Variants in KMT2B observed in about 807,000 individuals in gnomAD.
The protein encoded by KMT2B is histone-lysine N-methyltransferase 2B.
KMT2B carries 22 observed loss-of-function variants against 255.3 expected under a neutral mutation model. The ratio of observed to expected loss-of-function variants is 0.09; its 90% CI spans 0.06 to 0.12. The LOEUF (loss-of-function observed/expected upper bound fraction) is 0.12, where lower values mean the gene tolerates loss of function less well. KMT2B is among the 10% of genes least tolerant of loss of function. The pLI is 1.00. For synonymous variants in KMT2B, 1,730 were observed against 1,498.1 expected (o/e 1.15, Z -3.57); for missense variants, 3,149 against 3,737.0 (o/e 0.84, Z 4.10).
In KMT2B at chr19:35,727,998, G is replaced by A. The variant is rs755450454; in HGVS notation, c.4497+13G>A. 93 of 1,552,262 alleles carry A rather than the reference G, an allele frequency of 6.0e-5. No individual in the cohort carries two copies. The highest frequency in any genetic ancestry group is 5.0e-4 in the Middle Eastern group (3 of 5,986). Reference sequence around the variant, plus strand: ...GCTCCTGCTGAAGGTGAGCTCTTCCGGGGATGCTTGTGGGGTGGGGGAGTG... The same window carrying A: ...GCTCCTGCTGAAGGTGAGCTCTTCCAGGGATGCTTGTGGGGTGGGGGAGTG... On this transcript the variant is annotated intron_variant, in intron 18 of 36. Coordinates refer to ENST00000420124, the MANE Select transcript of KMT2B (RefSeq NM_014727.3). This position sits in a 1 kb window ranked among gnomAD's most constrained non-coding sequence, Gnocchi z 4.2.
chr19:35,734,430 C>T (rs888895737), intron 30 of KMT2B, among the ~76,000 whole-genome samples: 1 of 152,096 alleles, frequency 6.6e-6, no homozygotes, highest in African/African-American at 2.4e-5. Context: ...GCAAAACAGC[C>T]CAAGCACTTG....
chr19:35,722,972 C>T (rs572416413), intron 5 of KMT2B, 23 bp from the exon 6 acceptor site: 13 of 1,526,918 alleles, frequency 8.5e-6, no homozygotes, highest in East Asian at 2.3e-5. Context: ...GCTCCATCCC[C>T]TCCTCCCTGC....
Position 35,727,814 on chromosome 19 carries a change from TG to T in KMT2B, c.4392+30del, listed in dbSNP as rs574559476. Reference sequence around the variant, plus strand: ...TGAGTGGTACACCAGGAGGAGCAGGTGGGTGGCAGGAGGAGAGGGCTGGAAT... The same window carrying T: ...TGAGTGGTACACCAGGAGGAGCAGGTGGTGGCAGGAGGAGAGGGCTGGAAT... On this transcript the variant is annotated intron_variant, in intron 17 of 36. Transcript: ENST00000420124. This position sits in a 1 kb window ranked among gnomAD's most constrained non-coding sequence, Gnocchi z 4.2. 6.4e-5 allele frequency: 103 copies of T among 1,613,234 alleles called. No homozygotes were observed. In the African/African-American group the frequency reaches 1.3e-3, roughly 20 times the overall value.
Position 35,730,555 on chromosome 19 carries a change from T to A in KMT2B, c.5215T>A (p.Ser1739Thr). 1 of 1,613,952 alleles carries A rather than the reference T, an allele frequency of 6.2e-7. No homozygotes were observed. The highest frequency in any genetic ancestry group is 8.5e-7 in the Non-Finnish European group (1 of 1,179,880). ...NVLIGSIRID[S>T]LGTLSDLSDC... ...CACCACAGGTTCCATCCGCATTGAC[T>A]CCCTGGGTACTCTGTCTGATCTCTC... Residue 1739 changes from serine to threonine, a missense_variant, in exon 25 of 37, where the codon TCC becomes ACC. Physicochemically the swap from Ser to Thr is moderately conservative, Grantham distance 58. Transcript: ENST00000420124.
intron 13 of KMT2B, 67 bp from the exon 14 acceptor site, chr19:35,726,169 C>T: frequency 8.2e-7 from 1 of 1,219,426 alleles, no homozygotes; most frequent in Non-Finnish European, 1.2e-6. Context: ...TCCTCCTCGC[C>T]CGTCTCCCGC....
In KMT2B at chr19:35,727,069, C is replaced by T; in HGVS notation, c.4004-87C>T. 6 of 888,818 alleles carry T rather than the reference C, an allele frequency of 6.8e-6. No individual in the cohort carries two copies. The highest frequency in any genetic ancestry group is 1.7e-5 in the African/African-American group (1 of 59,868). 55.1% of individuals were successfully genotyped at this position (888,818 alleles called of 1,614,324 possible). A position where few individuals can be genotyped will look rare whatever the true frequency, so the allele number is the denominator to read the frequency against. On this transcript the variant is annotated intron_variant, in intron 14 of 36. Transcript: ENST00000420124. This position sits in a 1 kb window ranked among gnomAD's most constrained non-coding sequence, Gnocchi z 4.2. ...CAAAACAGGGGCATAGTGGAGGCAG[C>T]TAAGGTACTGCTAATCCTTGAACAG...
Position 35,737,248 on chromosome 19 carries a change from C to A in KMT2B, c.7535C>A (p.Ala2512Glu). Residue 2512 changes from alanine (A) to glutamate (E), a missense_variant, in exon 33 of 37, where the codon GCA becomes GAA. Around this residue, in one of 18 missense-constraint regions of KMT2B, gnomAD observed 103 missense variants for 200.7 expected, o/e 0.51. Transcript: ENST00000420124. The surrounding 1 kb of genome is among the most constrained non-coding windows in gnomAD (Gnocchi z 5.3). The part of the protein sequence containing the change: ...PPLNPHGAAR[A>E]EVYLRKCTFD... ...CTGAATCCCCATGGGGCTGCTCGGG[C>A]AGAGGTCTATCTCCGGTGAGAGGTC... 1 of 1,538,748 alleles carries A rather than the reference C, an allele frequency of 6.5e-7. No homozygotes were observed. Among genetic ancestry groups the A allele is most frequent in the Non-Finnish European group, 8.7e-7 (1 of 1,142,956 alleles).
rs2242519 is a variant in KMT2B at position 35,721,107 on chromosome 19, C to G, written c.1760C>G (p.Pro587Arg). ...CCAGTCCCCTCTCCACCACGTGCCCCAACTCCTCCATCTACCCCAGTTCCA... is the reference window on the plus strand; with the variant it reads ...CCAGTCCCCTCTCCACCACGTGCCCGAACTCCTCCATCTACCCCAGTTCCA... ...PAPVPSPPRAPTPPSTPVPLP... is the reference protein window; with the variant it reads ...PAPVPSPPRARTPPSTPVPLP... Residue 587 changes from proline to arginine, a missense_variant, in exon 3 of 37, where the codon CCA (proline) becomes CGA (arginine). Physicochemically the swap from Pro to Arg is moderately radical, Grantham distance 103 (BLOSUM62 -2). Transcript: ENST00000420124. The G allele has an allele frequency of 6.3e-4, 1,016 of 1,610,636 alleles. 14 individuals are homozygous for G. The East Asian group carries it at 0.018, about 29-fold the overall frequency.
chr19:35,731,339 G>T (rs1969682968), intron 26 of KMT2B, among the ~76,000 whole-genome samples: 1 of 152,256 alleles, frequency 6.6e-6, no homozygotes, highest in South Asian at 2.1e-4. Flanking sequence ...CAAAGAATGG[G>T]CTTGGAGATG....
At position 35,737,433 on chromosome 19, in the gene KMT2B, C is replaced by T; in HGVS notation, c.7550+170C>T. 1 of 869,808 alleles carries T rather than the reference C, an allele frequency of 1.1e-6. No homozygotes were observed. The highest frequency in any genetic ancestry group is 1.7e-6 in the Non-Finnish European group (1 of 587,348). The allele number at this position is 869,808 out of a possible 1,614,324, so 53.9% of individuals were successfully genotyped here. A position where few individuals can be genotyped will look rare whatever the true frequency, so the allele number is the denominator to read the frequency against. ...TCCGTGGCTCATGCCTGTAATCCCG[C>T]CACTTTGGGAGGCCGAGGCAGGAGG... On this transcript the variant is annotated intron_variant, in intron 33 of 36. Transcript: ENST00000420124. This position sits in a 1 kb window ranked among gnomAD's most constrained non-coding sequence, Gnocchi z 5.3.
chr19:35,728,731 G>A, intron 19 of KMT2B, 43 bp from the exon 20 acceptor site: 1 of 1,519,198 alleles, frequency 6.6e-7, no homozygotes, highest in Non-Finnish European at 9.1e-7. Flanking sequence ...CCGTTCAGCT[G>A]CCCTTGTTGG....
Position 35,721,232 on chromosome 19 carries a change from C to T in KMT2B, c.1885C>T (p.Pro629Ser), listed in dbSNP as rs1369475816. 1.1e-5 allele frequency: 16 copies of T among 1,461,166 alleles called. No individual in the cohort carries two copies. The highest frequency in any genetic ancestry group is 2.5e-5 in the East Asian group (1 of 40,004). The allele number at this position is 1,461,166 out of a possible 1,614,324, so 90.5% of individuals were successfully genotyped here. The change falls in exon 3 of 37, where the codon CCG (proline) becomes TCG (serine). Residue 629 changes from proline to serine, a missense_variant. By Grantham distance (74) the Pro-to-Ser change is moderately conservative. Around this residue, in one of 18 missense-constraint regions of KMT2B, gnomAD observed 1,188 missense variants for 1,106.4 expected, o/e 1.07. Coordinates refer to ENST00000420124, the MANE Select transcript of KMT2B (RefSeq NM_014727.3). ...PPPPPAPPPP[P>S]APSPPPAPAT... is the part of the protein sequence containing the mutation. ...TCCTCCCCCAGCCCCTCCACCTCCCCCGGCCCCCTCCCCACCCCCTGCTCC... is the reference window on the plus strand; with the variant it reads ...TCCTCCCCCAGCCCCTCCACCTCCCTCGGCCCCCTCCCCACCCCCTGCTCC...
chr19:35,727,606 T>C lies in KMT2B; in HGVS notation c.4286T>C (p.Leu1429Pro), dbSNP rs1001886314. The change falls in exon 16 of 37, where the codon CTG becomes CCG. Residue 1429 changes from leucine (L) to proline (P), a missense_variant. Transcript: ENST00000420124. The surrounding 1 kb of genome is among the most constrained non-coding windows in gnomAD (Gnocchi z 4.2). ...GLLSSKVVGP[L>P]LLCTQCGPDG... ...CTGAGCTCCAAGGTGGTGGGCCCAC[T>C]GCTGCTCTGCACCCAGGTCTGGAGG... 7.5e-6 allele frequency: 12 copies of C among 1,607,744 alleles called. No homozygotes were observed. Among genetic ancestry groups the C allele is most frequent in the Non-Finnish European group, 1.0e-5 (12 of 1,177,636 alleles).
chr19:35,730,818 G>A lies in KMT2B; in HGVS notation c.5388G>A (p.Glu1796=), dbSNP rs574275341. ...WGPREEPAHL[E]AAEENQTIVH... ...CGAGGGAAGAGCCAGCTCACCTGGA[G>A]GCTGCAGAGGAGAACCAGACCATTG... Residue 1796 remains glutamate, a synonymous_variant, in exon 26 of 37, where the codon GAG becomes GAA. Coordinates refer to ENST00000420124, the MANE Select transcript of KMT2B (RefSeq NM_014727.3). 27 of 1,613,436 alleles carry A rather than the reference G, an allele frequency of 1.7e-5. No individual in the cohort carries two copies. The African/African-American group carries it at 3.3e-4, about 20-fold the overall frequency.
intron 26 of KMT2B, 39 bp from the exon 27 acceptor site, chr19:35,731,869 G>C: frequency 1.4e-6 from 2 of 1,466,864 alleles, no homozygotes; most frequent in Non-Finnish European, 9.5e-7. Flanking sequence ...CTTTGACACA[G>C]AGCCCCTACC....
At position 35,722,551 on chromosome 19, in the gene KMT2B, T is replaced by C. The variant is rs764364739; in HGVS notation, c.2572-17T>C. On this transcript the variant is annotated splice_polypyrimidine_tract_variant and intron_variant, in intron 4 of 36. Coordinates refer to ENST00000420124, the MANE Select transcript of KMT2B (RefSeq NM_014727.3). ...GGGAGCGCAAGCTGCCCACACACAC[T>C]CCGATTTCTCCCCCAGGGTCCCGAG... 45 of 1,597,250 alleles carry C rather than the reference T, an allele frequency of 2.8e-5. No homozygotes were observed. Among genetic ancestry groups the C allele is most frequent in the Non-Finnish European group, 3.7e-5 (43 of 1,173,720 alleles).
chr19:35,725,276 T>C lies in KMT2B; in HGVS notation c.3585T>C (p.Ser1195=), dbSNP rs369581901. 24 of 1,592,362 alleles carry C rather than the reference T, an allele frequency of 1.5e-5. No individual in the cohort carries two copies. Among genetic ancestry groups the C allele is most frequent in the Non-Finnish European group, 2.1e-5 (24 of 1,169,494 alleles). The change falls in exon 11 of 37, where the codon TCT becomes TCC. Residue 1195 remains serine (S), a synonymous_variant. Coordinates refer to ENST00000420124, the MANE Select transcript of KMT2B (RefSeq NM_014727.3). The surrounding 1 kb of genome is among the most constrained non-coding windows in gnomAD (Gnocchi z 4.1). ...TGGGGGGCCTGAGTGTGCTCACCTC[T>C]GTGCCAGGGGGCCCCCCGATGGTGT... ...WLMGGLSVLT[S]VPGGPPMVCL...
chr19:35,720,296 G>A lies in KMT2B; in HGVS notation c.949G>A (p.Gly317Arg). The part of the protein sequence containing the change: ...FVSRAKKVKM[G>R]QLSLGLESGQ... ...TTCAAGGGCCAAAAAAGTAAAGATGGGACAATTGTCCTTGGGACTCGAATC... is the reference window on the plus strand; with the variant it reads ...TTCAAGGGCCAAAAAAGTAAAGATGAGACAATTGTCCTTGGGACTCGAATC... Residue 317 changes from glycine to arginine, a missense_variant, in exon 3 of 37, where the codon GGA (glycine) becomes AGA (arginine). By Grantham distance (125) the Gly-to-Arg change is moderately radical (BLOSUM62 -2). This residue lies in a region of KMT2B where 1,188 missense variants were observed against 1,106.4 expected (regional missense o/e 1.07). Transcript: ENST00000420124. The A allele has an allele frequency of 1.9e-6, 3 of 1,613,362 alleles. No individual in the cohort carries two copies. Among genetic ancestry groups the A allele is most frequent in the Non-Finnish European group, 2.5e-6 (3 of 1,179,746 alleles).
rs1426528024 is a variant in KMT2B at position 35,723,245 on chromosome 19, G to T, written c.2973G>T (p.Gly991=). ...CVNCLDKPKF[G]GPNTKKQCCV... ...ACTGCCTAGACAAGCCCAAGTTTGGGGGCCCTAACACCAAGAAGCAGTGCT... is the reference window on the plus strand; with the variant it reads ...ACTGCCTAGACAAGCCCAAGTTTGGTGGCCCTAACACCAAGAAGCAGTGCT... The change falls in exon 6 of 37, where the codon GGG becomes GGT. Residue 991 remains glycine (G), a synonymous_variant. Coordinates refer to ENST00000420124, the MANE Select transcript of KMT2B (RefSeq NM_014727.3). This position sits in a 1 kb window ranked among gnomAD's most constrained non-coding sequence, Gnocchi z 7.5. 1 of 1,612,984 alleles carries T rather than the reference G, an allele frequency of 6.2e-7. No individual in the cohort carries two copies.
Sources: gnomAD v4.1 joint callset for allele counts (sites outside exome capture counted in the v4.1 genomes callset) on GRCh38, gnomAD v4.1.1 for gene constraint, gnomAD v4.1.1 regional missense constraint, Gnocchi (gnomAD v3.1) non-coding constraint, MANE v1.5 for transcripts, NCBI Gene and HGNC (gene_info 2026-07-23, HGNC 2026-07-21) for gene names.